Variants in SPAG1 observed in about 807,000 individuals in gnomAD.
SPAG1 encodes the protein sperm-associated antigen 1.
A neutral mutation model predicts 100.5 loss-of-function variants in SPAG1; 69 were observed. That is an observed-to-expected ratio of 0.69 (90% confidence interval 0.57 to 0.84). The LOEUF is 0.84. Ranked by LOEUF, SPAG1 falls within the 40% of genes least tolerant of loss-of-function variation. SPAG1 has a pLI of 0.00. For synonymous variants in SPAG1, 336 were observed against 411.6 expected, an observed-to-expected ratio of 0.82 and a Z score of 2.22; for missense variants, 955 against 1,133.1, an observed-to-expected ratio of 0.84 and a Z score of 2.26.
chr8:100,233,705 C>T (rs956432774), intron 16 of SPAG1, among the ~76,000 whole-genome samples, 168 bp downstream of exon 16: 4 of 152,148 alleles, frequency 2.6e-5, no homozygotes, highest in Non-Finnish European at 5.9e-5. Context: ...CAGATTTCAC[C>T]CCTAACCATA....
chr8:100,234,829 G>A (rs1267536145), intron 16 of SPAG1, among the ~76,000 whole-genome samples: 1 of 152,176 alleles, frequency 6.6e-6, no homozygotes, highest in Non-Finnish European at 1.5e-5. Context: ...ATGCTGAGGA[G>A]GCTGGACTTA....
chr8:100,235,610 G>A (rs1818969116), intron 16 of SPAG1, among the ~76,000 whole-genome samples: 1 of 152,146 alleles, frequency 6.6e-6, no homozygotes, highest in African/African-American at 2.4e-5. Context: ...ATGACTGAAA[G>A]GGAACTATCT....
At chr8:100,240,814 G>A (rs1222807183) in intron 18 of SPAG1, 43 bp downstream of exon 18, 1 of 1,565,880 alleles carries the variant, frequency 6.4e-7, no homozygotes, top group East Asian at 2.2e-5. Context: ...GGTTTTATTA[G>A]GGTTTCTGTA....
chr8:100,220,557 T>C (rs1452158948), intron 13 of SPAG1, 126 bp downstream of exon 13: 13 of 745,958 alleles, frequency 1.7e-5, no homozygotes, highest in Non-Finnish European at 2.6e-5. Context: ...ATGATTGCCT[T>C]CTTTTATTCC....
intron 3 of SPAG1, among the ~76,000 whole-genome samples, chr8:100,173,868 G>A (rs1270033839): frequency 6.6e-6 from 1 of 152,176 alleles, no homozygotes; most frequent in African/African-American, 2.4e-5. Context: ...ATAAATAAAA[G>A]TAGGAAGGGC....
chr8:100,217,492 C>G (rs1299159462), intron 12 of SPAG1, among the ~76,000 whole-genome samples: 1 of 151,936 alleles, frequency 6.6e-6, no homozygotes, highest in Non-Finnish European at 1.5e-5. Context: ...TCTTGAAGGT[C>G]TCTAAGCCTG....
At position 100,240,602 on chromosome 8, in the gene SPAG1, A is replaced by C; in HGVS notation, c.2480A>C (p.His827Pro). The stretch of plus-strand genomic sequence containing the variant: ...AGGAAGGATAAAGAAGCCTGTGCAC[A>C]TCTTTTAGCCATCACTGCACCAAAA... ...STRKDKEACAHLLAITAPKDL... is the reference protein window; with the variant it reads ...STRKDKEACAPLLAITAPKDL... Residue 827 changes from histidine (H) to proline (P), a missense_variant, in exon 18 of 19, where the codon CAT (histidine) becomes CCT (proline). Coordinates refer to ENST00000388798, the MANE Select transcript of SPAG1 (RefSeq NM_003114.5). The C allele has an allele frequency of 6.2e-7, 1 of 1,614,190 alleles. No individual in the cohort carries two copies. Among genetic ancestry groups the C allele is most frequent in the Non-Finnish European group, 8.5e-7 (1 of 1,180,008 alleles).
Position 100,231,152 on chromosome 8 carries a change from AT to A in SPAG1, c.1856-3del. 1 of 1,596,192 alleles carries A rather than the reference AT, an allele frequency of 6.3e-7. No individual in the cohort carries two copies. On this transcript the variant is annotated splice_polypyrimidine_tract_variant and splice_region_variant and intron_variant, in intron 14 of 18. Transcript: ENST00000388798. ...TTCCTCTTCTTTGTTTTTTTGTCCC[AT>A]AGATGAAAAAACATTTAAAGCCCTT...
chr8:100,180,978 C>G lies in SPAG1; in HGVS notation c.427-2397C>G, dbSNP rs370235464. The stretch of plus-strand genomic sequence containing the variant: ...CAATGACCAATAATTTTGAGGAGTG[C>G]GAGAGTGTCATGATACTGAAAAGTT... On this transcript the variant is annotated intron_variant, in intron 4 of 18. Coordinates refer to ENST00000388798, the MANE Select transcript of SPAG1 (RefSeq NM_003114.5). Among the ~76,000 whole-genome samples the G allele has an allele frequency of 2.6e-5, 4 of 152,162 alleles. No individual in the cohort carries two copies. The East Asian group carries it at 7.7e-4, about 29-fold the overall frequency.
chr8:100,165,166 C>CA (rs1815492654), intron 2 of SPAG1: 1 of 425,180 alleles, frequency 2.4e-6, no homozygotes, highest in Non-Finnish European at 4.7e-6. Context: ...TTTACAGCAA[C>CA]AAAAAATACC....
chr8:100,224,039 G>A (rs2132400460), intron 13 of SPAG1, among the ~76,000 whole-genome samples: 1 of 152,104 alleles, frequency 6.6e-6, no homozygotes, highest in East Asian at 1.9e-4. Context: ...TTCAGTCTTA[G>A]GAAGCAGTTC....
At chr8:100,238,569 C>T (rs1408516880) in intron 16 of SPAG1, among the ~76,000 whole-genome samples, 2 of 152,174 alleles carry the variant, frequency 1.3e-5, no homozygotes. Flanking sequence ...GGGCATCTGT[C>T]TTTGCTGCTA....
chr8:100,216,721 AGCAGGGG>A (rs1171644106), intron 12 of SPAG1, among the ~76,000 whole-genome samples: 4 of 152,200 alleles, frequency 2.6e-5, no homozygotes, highest in Admixed American at 2.0e-4. Flanking sequence ...GATGAGGCCC[AGCAGGGG>A]GTGATTTTAC....
At chr8:100,162,148 G>A (rs961471860) in intron 1 of SPAG1, 131 bp from the exon 2 acceptor site, 17 of 662,160 alleles carry the variant, frequency 2.6e-5, no homozygotes, top group Non-Finnish European at 3.8e-5. Context: ...GGGCAACATA[G>A]GGAGACTCTG....
In SPAG1 at chr8:100,184,610, G is replaced by A. The variant is rs1816505690; in HGVS notation, c.596-18G>A. The A allele has an allele frequency of 4.3e-6, 6 of 1,385,380 alleles. No individual in the cohort carries two copies. In the East Asian group the frequency reaches 1.5e-4, roughly 35 times the overall value. 85.8% of individuals were successfully genotyped at this position (1,385,380 alleles called of 1,614,324 possible). A position where few individuals can be genotyped will look rare whatever the true frequency, so the allele number is the denominator to read the frequency against. On this transcript the variant is annotated intron_variant, in intron 6 of 18. Transcript: ENST00000388798. ...TTAAATTATACGTTTACATATAGCA[G>A]ATAACATTTATTTCTAGGTCTAACT...
At chr8:100,213,569 C>T (rs1817837292) in intron 11 of SPAG1, 141 bp downstream of exon 11, 3 of 728,258 alleles carry the variant, frequency 4.1e-6, no homozygotes, top group Non-Finnish European at 6.0e-6. Flanking sequence ...TGACTAAGAG[C>T]GCCGTGCCAC....
intron 10 of SPAG1, among the ~76,000 whole-genome samples, chr8:100,205,668 G>C (rs966348477): frequency 3.3e-5 from 5 of 151,984 alleles, no homozygotes; most frequent in Non-Finnish European, 7.4e-5. Flanking sequence ...AAATAATATC[G>C]CATCCCTGGA....
chr8:100,217,909 A>C (rs1322457574), intron 12 of SPAG1, among the ~76,000 whole-genome samples: 2 of 152,034 alleles, frequency 1.3e-5, no homozygotes, highest in African/African-American at 4.8e-5. Flanking sequence ...CAGCCTCCCA[A>C]GTAGCTGGGA....
intron 1 of SPAG1, among the ~76,000 whole-genome samples, chr8:100,160,626 C>CAAAAA (rs11422854): frequency 2.0e-5 from 2 of 98,946 alleles, no homozygotes; most frequent in African/African-American, 3.6e-5. Context: ...GACTCCAACT[C>CAAAAA]AAAAAAAAAA....
Sources: gnomAD v4.1 joint callset for allele counts (sites outside exome capture counted in the v4.1 genomes callset) on GRCh38, gnomAD v4.1.1 for gene constraint, MANE v1.5 for transcripts, NCBI Gene and HGNC (gene_info 2026-07-23, HGNC 2026-07-21) for gene names.